PPP1R12B: variants seen among roughly 807,000 people sequenced by gnomAD.
PPP1R12B encodes myosin phosphatase target subunit 2.
PPP1R12B carries 76 observed loss-of-function variants against 126.1 expected under a neutral mutation model. The ratio of observed to expected loss-of-function variants is 0.60; its 90% CI spans 0.50 to 0.73. The LOEUF is 0.73. Among genes scored for constraint, PPP1R12B ranks in the 30% least tolerant of loss-of-function variants. The pLI is 0.00. For synonymous variants in PPP1R12B, 356 were observed against 434.7 expected, an observed-to-expected ratio of 0.82 and a Z score of 2.25; for missense variants, 1,052 against 1,205.1, an observed-to-expected ratio of 0.87 and a Z score of 1.88.
chr1:202,470,754 T>A (rs1008930355), intron 13 of PPP1R12B, among the ~76,000 whole-genome samples: 44 of 151,264 alleles, frequency 2.9e-4, no homozygotes, highest in Non-Finnish European at 5.9e-4. Flanking sequence ...GAAAAAAAAA[T>A]TTTAGCCAGG....
intron 2 of PPP1R12B, 86 bp downstream of exon 2, chr1:202,417,003 T>C (rs184350855): frequency 7.2e-7 from 1 of 1,397,166 alleles, no homozygotes; most frequent in Admixed American, 2.4e-5. Flanking sequence ...TTGAATTTTA[T>C]AAATAGTTAT....
chr1:202,449,619 GCAGT>G (rs1028864068), intron 13 of PPP1R12B, among the ~76,000 whole-genome samples: 5 of 151,934 alleles, frequency 3.3e-5, no homozygotes, highest in East Asian at 1.9e-4. Flanking sequence ...TTGTCTCTGA[GCAGT>G]CAGTTTTTGG....
At chr1:202,541,214 G>C (rs1421499464) in intron 18 of PPP1R12B, among the ~76,000 whole-genome samples, 1 of 143,064 alleles carries the variant, frequency 7.0e-6, no homozygotes, top group Non-Finnish European at 1.5e-5. Flanking sequence ...AAGAAGCCTG[G>C]ATAGACTAGT....
chr1:202,360,808 AGTACCCTTC>A lies in PPP1R12B; in HGVS notation c.291+11670_291+11678del, dbSNP rs558916042. ...CAAGGTGCCTAATGTTGAGATTAGT[AGTACCCTTC>A]GTATGTAAATATTTTCCGTGATTGG... On this transcript the variant is annotated intron_variant, in intron 1 of 23. Transcript: ENST00000608999. 3.4e-4 allele frequency among the ~76,000 whole-genome samples: 52 copies of A among 152,104 alleles called. 1 individual carries two copies. In the South Asian group the frequency reaches 0.011, roughly 31 times the overall value.
chr1:202,534,773 G>A (rs1252647296), intron 18 of PPP1R12B, among the ~76,000 whole-genome samples: 1 of 152,138 alleles, frequency 6.6e-6, no homozygotes, highest in Non-Finnish European at 1.5e-5. Flanking sequence ...AAGCTGGGAA[G>A]AGGGAAGGAG....
chr1:202,573,609 A>T (rs1383019576), intron 23 of PPP1R12B, among the ~76,000 whole-genome samples: 2 of 152,148 alleles, frequency 1.3e-5, no homozygotes, highest in African/African-American at 4.8e-5. Context: ...CCTCCCAAAG[A>T]GTTGATGGTC....
chr1:202,556,184 T>C (rs776877206), intron 18 of PPP1R12B, among the ~76,000 whole-genome samples: 2 of 152,174 alleles, frequency 1.3e-5, no homozygotes, highest in Non-Finnish European at 2.9e-5. Context: ...CCTAATACGA[T>C]ATTCTTACAA....
intron 23 of PPP1R12B, 124 bp from the exon 24 acceptor site, chr1:202,580,350 A>G: frequency 1.5e-6 from 1 of 679,430 alleles, no homozygotes; most frequent in South Asian, 1.7e-5. Context: ...AGAAGGGACC[A>G]TGAGAGTTTA....
chr1:202,572,637 G>A (rs1340260), intron 23 of PPP1R12B, among the ~76,000 whole-genome samples: 10 of 152,092 alleles, frequency 6.6e-5, no homozygotes, highest in African/African-American at 1.2e-4. Context: ...TGGTCTTGGC[G>A]CCCACATCAG....
intron 1 of PPP1R12B, among the ~76,000 whole-genome samples, chr1:202,351,041 A>G (rs1655871677): frequency 6.6e-6 from 1 of 152,170 alleles, no homozygotes; most frequent in Non-Finnish European, 1.5e-5. Flanking sequence ...TGAACTGAAC[A>G]AGTATACTCG....
chr1:202,507,489 T>C (rs1572327520), intron 18 of PPP1R12B, among the ~76,000 whole-genome samples: 1 of 152,204 alleles, frequency 6.6e-6, no homozygotes, highest in Non-Finnish European at 1.5e-5. Flanking sequence ...CTATGAAAGC[T>C]AAGAAAAAAT....
chr1:202,447,164 A>G (rs778172099), intron 12 of PPP1R12B, among the ~76,000 whole-genome samples: 1 of 152,212 alleles, frequency 6.6e-6, no homozygotes, highest in Admixed American at 6.5e-5. Flanking sequence ...GAAAGGGACA[A>G]TGGATATGGG....
At chr1:202,533,344 G>A (rs1262880264) in intron 18 of PPP1R12B, among the ~76,000 whole-genome samples, 1 of 152,052 alleles carries the variant, frequency 6.6e-6, no homozygotes, top group Non-Finnish European at 1.5e-5. Flanking sequence ...AGGCTGAAGT[G>A]CAGTAGTATG....
chr1:202,560,406 G>A (rs1687395904), intron 19 of PPP1R12B, among the ~76,000 whole-genome samples: 1 of 152,146 alleles, frequency 6.6e-6, no homozygotes, highest in Non-Finnish European at 1.5e-5. Flanking sequence ...CTGGTTGCCC[G>A]TTTTTATGGT....
intron 18 of PPP1R12B, among the ~76,000 whole-genome samples, chr1:202,516,228 G>T (rs1682132029): frequency 6.6e-6 from 1 of 152,158 alleles, no homozygotes; most frequent in South Asian, 2.1e-4. Context: ...TCATAGTGAT[G>T]AAGAAGAAAC....
chr1:202,420,669 GAAT>G (rs909560132), intron 2 of PPP1R12B, among the ~76,000 whole-genome samples: 1 of 152,172 alleles, frequency 6.6e-6, no homozygotes, highest in Non-Finnish European at 1.5e-5. Context: ...AGGAGCTGTT[GAAT>G]ATGTGGAAAT....
intron 18 of PPP1R12B, among the ~76,000 whole-genome samples, chr1:202,518,381 T>C (rs1193161648): frequency 6.6e-6 from 1 of 152,260 alleles, no homozygotes; most frequent in Admixed American, 6.5e-5. Flanking sequence ...TTTATCCATC[T>C]AATGGAACAC....
At chr1:202,438,298 G>T in intron 10 of PPP1R12B, 1 of 1,510,218 alleles carries the variant, frequency 6.6e-7, no homozygotes. Context: ...AGCAAAAAAT[G>T]GATCAGCAAC....
At chr1:202,361,460 A>G (rs778797839) in intron 1 of PPP1R12B, among the ~76,000 whole-genome samples, 1 of 152,092 alleles carries the variant, frequency 6.6e-6, no homozygotes, top group African/African-American at 2.4e-5. Flanking sequence ...AAACAATCAG[A>G]TCTCCTGTGA....
Sources: allele counts gnomAD v4.1 joint callset (sites outside exome capture counted in the v4.1 genomes callset), GRCh38; gene constraint gnomAD v4.1.1; transcripts MANE v1.5; gene names NCBI Gene and HGNC (gene_info 2026-07-23, HGNC 2026-07-21).